PEX5L: variants seen among roughly 807,000 people sequenced by gnomAD.
PEX5L encodes peroxisomal biogenesis factor 5 like.
In PEX5L, 30 loss-of-function variants were observed where a neutral mutation model predicts 84.0. The observed-to-expected ratio is 0.36, with a 90% CI of 0.27 to 0.48. The LOEUF is 0.48. Among genes scored for constraint, PEX5L ranks in the 20% least tolerant of loss-of-function variants. The pLI is 0.99. For missense variants in PEX5L, 533 were observed against 754.6 expected (o/e 0.71, Z 3.44); for synonymous variants, 270 against 283.1 (o/e 0.95, Z 0.46).
intron 7 of PEX5L, among the ~76,000 whole-genome samples, chr3:179,871,467 G>T (rs964752769): frequency 6.6e-6 from 1 of 152,074 alleles, no homozygotes; most frequent in African/African-American, 2.4e-5. Flanking sequence ...TATATAAATT[G>T]TTCATAGATT....
chr3:179,971,447 G>A, intron 2 of PEX5L, 147 bp downstream of exon 2: 3 of 1,174,794 alleles, frequency 2.6e-6, no homozygotes, highest in Non-Finnish European at 3.2e-6. Context: ...ATCATATGGA[G>A]CGGCTTAGCT....
At chr3:179,876,440 T>C (rs1261826279) in intron 5 of PEX5L, among the ~76,000 whole-genome samples, 1 of 150,956 alleles carries the variant, frequency 6.6e-6, no homozygotes, top group Non-Finnish European at 1.5e-5. Context: ...GAGGTTGCAG[T>C]GGGCCCAGAT....
chr3:179,965,616 G>A lies in PEX5L; in HGVS notation c.93+5978C>T, dbSNP rs980819069. On this transcript the variant is annotated intron_variant, in intron 2 of 14. Coordinates refer to ENST00000467460, the MANE Select transcript of PEX5L (RefSeq NM_016559.3). ...TACCACCAGACTTTAACAATCGGTC[G>A]TAAGATTCTAAAATGAAGGATATTA... Among the ~76,000 whole-genome samples, 7 of 152,092 alleles carry A rather than the reference G, an allele frequency of 4.6e-5. No individual in the cohort carries two copies. The East Asian group carries it at 9.6e-4, about 21-fold the overall frequency.
At chr3:179,825,440 A>T (rs1374147342) in intron 8 of PEX5L, among the ~76,000 whole-genome samples, 1 of 152,198 alleles carries the variant, frequency 6.6e-6, no homozygotes, top group East Asian at 1.9e-4. Flanking sequence ...GTCTCTAACA[A>T]CTGTGAGTGT....
At chr3:179,973,932 G>A (rs899758123) in intron 1 of PEX5L, 1 of 985,330 alleles carries the variant, frequency 1.0e-6, no homozygotes, top group Non-Finnish European at 1.2e-6. Context: ...TTTTACTCTA[G>A]AATTAAGCAA....
At chr3:179,927,507 T>C (rs929249367) in intron 2 of PEX5L, among the ~76,000 whole-genome samples, 10 of 152,182 alleles carry the variant, frequency 6.6e-5, no homozygotes, top group Non-Finnish European at 1.3e-4. Flanking sequence ...TTTGCTACCT[T>C]ACTGGGGATG....
rs1718199693 is a variant in PEX5L at position 179,799,398 on chromosome 3, T to C, written c.*2430A>G. 6.6e-6 allele frequency: 1 copy of C among 152,174 alleles called. No homozygotes were observed. The highest frequency in any genetic ancestry group is 2.1e-4 in the South Asian group (1 of 4,838). The allele number at this position is 152,174 out of a possible 1,614,324, so 9.4% of individuals were successfully genotyped here. On this transcript the variant is annotated 3_prime_UTR_variant, in exon 15 of 15. Transcript: ENST00000467460. The stretch of plus-strand genomic sequence containing the variant: ...ACTAAATGCTCTGCAAATTGCCAAA[T>C]AATGGTAAGAATGGAAGATTGTTTA...
At chr3:179,862,204 T>G (rs2108567246) in intron 7 of PEX5L, among the ~76,000 whole-genome samples, 1 of 152,324 alleles carries the variant, frequency 6.6e-6, no homozygotes, top group Middle Eastern at 3.4e-3. Context: ...TGCCTTACTC[T>G]TATTAGGTAC....
At chr3:179,963,793 T>C (rs1341324219) in intron 2 of PEX5L, among the ~76,000 whole-genome samples, 1 of 152,132 alleles carries the variant, frequency 6.6e-6, no homozygotes, top group Non-Finnish European at 1.5e-5. Flanking sequence ...TCCCACCAAG[T>C]AGCCACTGAC....
intron 8 of PEX5L, among the ~76,000 whole-genome samples, chr3:179,820,778 A>G (rs1390205109): frequency 1.3e-5 from 2 of 152,172 alleles, no homozygotes; most frequent in Non-Finnish European, 2.9e-5. Context: ...GTTGACTCCT[A>G]TTTTATTAAG....
intron 1 of PEX5L, among the ~76,000 whole-genome samples, chr3:179,981,199 A>T (rs962422951): frequency 3.9e-5 from 6 of 152,144 alleles, no homozygotes; most frequent in African/African-American, 1.4e-4. Context: ...GTGGGGGTTG[A>T]TCCAGACGAG....
chr3:179,885,495 A>AAG (rs1755546128), intron 4 of PEX5L, among the ~76,000 whole-genome samples: 2 of 152,118 alleles, frequency 1.3e-5, no homozygotes, highest in South Asian at 4.2e-4. Flanking sequence ...AGATACAAAA[A>AAG]ATCAGCCAGT....
chr3:179,982,045 A>G (rs1373283747), intron 1 of PEX5L, among the ~76,000 whole-genome samples: 1 of 152,230 alleles, frequency 6.6e-6, no homozygotes, highest in Non-Finnish European at 1.5e-5. Context: ...TGGCATATTT[A>G]AAGTGTGTTT....
At chr3:179,955,235 G>A (rs1031269909) in intron 2 of PEX5L, among the ~76,000 whole-genome samples, 1 of 152,124 alleles carries the variant, frequency 6.6e-6, no homozygotes, top group African/African-American at 2.4e-5. Flanking sequence ...GAACTAATTT[G>A]TGGTTACTAA....
chr3:179,955,115 AT>A (rs947368085), intron 2 of PEX5L, among the ~76,000 whole-genome samples: 1 of 151,934 alleles, frequency 6.6e-6, no homozygotes, highest in Non-Finnish European at 1.5e-5. Flanking sequence ...TATTTATTTT[AT>A]TTTTTTTAGA....
rs115626619 is a variant in PEX5L, at chr3:179,915,087, G to A, written c.94-16841C>T. Among the ~76,000 whole-genome samples, 817 of 152,318 alleles carry A rather than the reference G, an allele frequency of 5.4e-3. 3 individuals carry two copies. The Middle Eastern group carries it at 0.075, about 14-fold the overall frequency. On this transcript the variant is annotated intron_variant, in intron 2 of 14. Coordinates refer to ENST00000467460, the MANE Select transcript of PEX5L (RefSeq NM_016559.3). ...AGATTGACAAGGTGTGGAATAAGGA[G>A]ACAAGGAAGTGATTCCTTTGTATGC...
chr3:179,884,810 T>C (rs1189009408), intron 4 of PEX5L, among the ~76,000 whole-genome samples: 1 of 152,152 alleles, frequency 6.6e-6, no homozygotes, highest in African/African-American at 2.4e-5. Flanking sequence ...TTTAAATAGT[T>C]GGCAGTCTCA....
intron 14 of PEX5L, chr3:179,803,950 G>A (rs1720123982): frequency 6.6e-6 from 1 of 152,182 alleles, no homozygotes; most frequent in Admixed American, 6.5e-5. Flanking sequence ...GACATAAGGA[G>A]CCTACTTGAG....
At chr3:179,906,751 A>G (rs908447634) in intron 2 of PEX5L, among the ~76,000 whole-genome samples, 4 of 152,234 alleles carry the variant, frequency 2.6e-5, no homozygotes, top group African/African-American at 9.6e-5. Flanking sequence ...GAAAATGACT[A>G]AAATACAAAG....
Sources: allele counts gnomAD v4.1 joint callset (sites outside exome capture counted in the v4.1 genomes callset), GRCh38; gene constraint gnomAD v4.1.1; transcripts MANE v1.5; gene names NCBI Gene and HGNC (gene_info 2026-07-23, HGNC 2026-07-21).